SCN3B: variants seen among roughly 807,000 people sequenced by gnomAD.
SCN3B encodes the protein sodium channel regulatory subunit beta-3.
In SCN3B, 11 loss-of-function variants were observed where a neutral mutation model predicts 25.4. The ratio of observed to expected loss-of-function variants is 0.43; its 90% CI spans 0.27 to 0.72. SCN3B has a LOEUF of 0.72. Among genes scored for constraint, SCN3B ranks in the 30% least tolerant of loss-of-function variants. SCN3B has a pLI of 0.18. For missense variants in SCN3B, 218 were observed against 278.3 expected, an observed-to-expected ratio of 0.78 and a Z score of 1.54; for synonymous variants, 109 against 110.7, an observed-to-expected ratio of 0.99 and a Z score of 0.09.
chr11:123,652,339 G>C (rs1955936024), intron 2 of SCN3B, among the ~76,000 whole-genome samples: 1 of 152,182 alleles, frequency 6.6e-6, no homozygotes, highest in Admixed American at 6.5e-5. Flanking sequence ...GGGATGGCTG[G>C]TGATGAGTCC....
Position 123,645,489 on chromosome 11 carries a change from C to T in SCN3B, c.219+98G>A, listed in dbSNP as rs1306308298. The T allele has an allele frequency of 1.0e-5, 12 of 1,193,010 alleles. 1 individual carries two copies. Among genetic ancestry groups the T allele is most frequent in the Admixed American group, 8.4e-5 (5 of 59,432 alleles). 73.9% of individuals were successfully genotyped at this position (1,193,010 alleles called of 1,614,324 possible). On this transcript the variant is annotated intron_variant, in intron 3 of 6. Coordinates refer to ENST00000299333, the MANE Select transcript of SCN3B (RefSeq NM_001040151.2). ...TGTCAGTGTTTGGAAGAGAAGGAGC[C>T]AGTGTTTGCTAGCTTGGCATCCCCC...
chr11:123,650,960 T>C (rs1316588517), intron 2 of SCN3B, among the ~76,000 whole-genome samples: 2 of 152,168 alleles, frequency 1.3e-5, no homozygotes, highest in African/African-American at 2.4e-5. Flanking sequence ...TGGTGACTCA[T>C]GCCTATAATC....
intron 3 of SCN3B, among the ~76,000 whole-genome samples, chr11:123,644,790 AGAGAGAGAGAATAT>A (rs1316256915): frequency 1.2e-5 from 1 of 83,300 alleles, no homozygotes; most frequent in African/African-American, 4.2e-5. Flanking sequence ...AGAGAGAGAG[AGAGAGAGAGAATAT>A]ATATATATAT....
chr11:123,642,326 C>T lies in SCN3B; in HGVS notation c.445+120G>A. On this transcript the variant is annotated intron_variant, in intron 4 of 6. Transcript: ENST00000299333. This position sits in a 1 kb window ranked among gnomAD's most constrained non-coding sequence, Gnocchi z 4.3. ...TCAATGGTGACATTTTTAGATGTCA[C>T]CATTCCAAATACATGGGTTTTTGCA... The T allele has an allele frequency of 2.1e-6, 2 of 935,218 alleles. No individual in the cohort carries two copies. The highest frequency in any genetic ancestry group is 1.4e-5 in the South Asian group (1 of 73,794). 57.9% of individuals were successfully genotyped at this position (935,218 alleles called of 1,614,324 possible). A position where few individuals can be genotyped will look rare whatever the true frequency, so the allele number is the denominator to read the frequency against.
intron 2 of SCN3B, among the ~76,000 whole-genome samples, chr11:123,650,453 A>G (rs1287439580): frequency 1.1e-4 from 17 of 152,190 alleles, no homozygotes; most frequent in Non-Finnish European, 2.5e-4. Context: ...CCCTGACGTG[A>G]CTTGTTCTGT....
At chr11:123,649,691 G>T (rs1205751699) in intron 2 of SCN3B, among the ~76,000 whole-genome samples, 6 of 109,272 alleles carry the variant, frequency 5.5e-5, no homozygotes, top group African/African-American at 6.9e-5. Context: ...CTCTCTCTCT[G>T]TCTCTGTCTC....
At chr11:123,650,450 G>A (rs372083382) in intron 2 of SCN3B, among the ~76,000 whole-genome samples, 5 of 152,286 alleles carry the variant, frequency 3.3e-5, no homozygotes, top group African/African-American at 7.2e-5. Context: ...ACACCCTGAC[G>A]TGACTTGTTC....
In SCN3B at chr11:123,638,125, G is replaced by A. The variant is rs1395798089; in HGVS notation, c.584+61C>T. 4 of 1,597,866 alleles carry A rather than the reference G, an allele frequency of 2.5e-6. No individual in the cohort carries two copies. In the African/African-American group the frequency reaches 5.4e-5, roughly 21 times the overall value. On this transcript the variant is annotated intron_variant, in intron 5 of 6. Transcript: ENST00000299333. ...ATGTAAACTGCTTAGCACCTCACCT[G>A]TGAGAGCAAGCATTCTGAAGGTGCT... is the stretch of plus-strand genomic sequence containing the variant.
chr11:123,634,593 C>T (rs1955706557), intron 5 of SCN3B, among the ~76,000 whole-genome samples: 1 of 152,132 alleles, frequency 6.6e-6, no homozygotes, highest in African/African-American at 2.4e-5. Context: ...ATACAAAAAA[C>T]TAGCCTGGCA....
intron 2 of SCN3B, among the ~76,000 whole-genome samples, chr11:123,647,514 T>G (rs77532056): frequency 6.6e-6 from 1 of 152,172 alleles, no homozygotes; most frequent in East Asian, 1.9e-4. Flanking sequence ...TCACCGCAGA[T>G]TCTTATATTA....
chr11:123,654,201 T>G (rs1792382813), intron 1 of SCN3B, 25 bp downstream of exon 1: 2 of 337,404 alleles, frequency 5.9e-6, no homozygotes, highest in Admixed American at 4.0e-5. Flanking sequence ...GCAGCCAGGC[T>G]GTGGAAGGGT....
At chr11:123,644,420 C>T (rs1306467406) in intron 3 of SCN3B, among the ~76,000 whole-genome samples, 1 of 152,098 alleles carries the variant, frequency 6.6e-6, no homozygotes, top group Non-Finnish European at 1.5e-5. Context: ...CCCAGGTGGC[C>T]TGGCTCCACA....
chr11:123,641,609 C>G (rs1591345758), intron 4 of SCN3B, among the ~76,000 whole-genome samples: 1 of 152,100 alleles, frequency 6.6e-6, no homozygotes, highest in Admixed American at 6.5e-5. Flanking sequence ...TGGAACTCCC[C>G]CCTCAGGATG....
chr11:123,648,376 T>C (rs914563724), intron 2 of SCN3B, among the ~76,000 whole-genome samples: 3 of 152,230 alleles, frequency 2.0e-5, no homozygotes, highest in Admixed American at 2.0e-4. Context: ...ATTTTATGGA[T>C]TAATTTACAT....
intron 2 of SCN3B, among the ~76,000 whole-genome samples, chr11:123,647,541 T>C (rs557272105): frequency 5.9e-5 from 9 of 152,182 alleles, no homozygotes; most frequent in Non-Finnish European, 1.0e-4. Flanking sequence ...TGAAGATCCC[T>C]TCTGATGCTA....
intron 1 of SCN3B, 82 bp downstream of exon 1, chr11:123,654,144 G>T (rs1445714588): frequency 9.0e-6 from 4 of 442,126 alleles, no homozygotes; most frequent in African/African-American, 6.0e-5. Context: ...TCGCTCGTTT[G>T]CGCCCAGGGT....
chr11:123,637,610 C>T (rs1044233425), intron 5 of SCN3B, among the ~76,000 whole-genome samples: 2 of 152,122 alleles, frequency 1.3e-5, no homozygotes, highest in African/African-American at 4.8e-5. Context: ...CTCACTGCAA[C>T]CTCCGCCTCC....
At chr11:123,635,685 C>CAA (rs796965268) in intron 5 of SCN3B, among the ~76,000 whole-genome samples, 17 of 130,064 alleles carry the variant, frequency 1.3e-4, no homozygotes, top group African/African-American at 4.2e-4. Flanking sequence ...GACTCTGTCT[C>CAA]AAAAAAAAAA....
rs574479579 is a variant in SCN3B, at chr11:123,642,147, A to C, written c.445+299T>G. On this transcript the variant is annotated intron_variant, in intron 4 of 6. Transcript: ENST00000299333. The surrounding 1 kb of genome is among the most constrained non-coding windows in gnomAD (Gnocchi z 4.3). ...CCAAAGAAGAAGGCCTAGCTGAATCAGTAGCTTTAGGCCTCATGGAGGCTA... is the reference window on the plus strand; with the variant it reads ...CCAAAGAAGAAGGCCTAGCTGAATCCGTAGCTTTAGGCCTCATGGAGGCTA... Among the ~76,000 whole-genome samples the C allele has an allele frequency of 1.3e-5, 2 of 152,328 alleles. No individual in the cohort carries two copies. Among genetic ancestry groups the C allele is most frequent in the Non-Finnish European group, 1.5e-5 (1 of 68,022 alleles).
Sources: gnomAD v4.1 joint callset for allele counts (sites outside exome capture counted in the v4.1 genomes callset) on GRCh38, gnomAD v4.1.1 for gene constraint, Gnocchi (gnomAD v3.1) non-coding constraint, MANE v1.5 for transcripts, NCBI Gene and HGNC (gene_info 2026-07-23, HGNC 2026-07-21) for gene names.